The following EXOC4 variants were observed in gnomAD, a reference collection of about 807,000 sequenced individuals.
EXOC4 encodes exocyst complex component 4.
A neutral mutation model predicts 107.2 loss-of-function variants in EXOC4; 71 were observed. The ratio of observed to expected loss-of-function variants is 0.66; its 90% CI spans 0.55 to 0.81. The LOEUF is 0.81. EXOC4 is among the 30% of genes least tolerant of loss of function. The pLI is 0.00. For synonymous variants in EXOC4, 456 were observed against 441.2 expected, an observed-to-expected ratio of 1.03 and a Z score of -0.42; for missense variants, 1,108 against 1,189.6, an observed-to-expected ratio of 0.93 and a Z score of 1.01.
intron 7 of EXOC4, among the ~76,000 whole-genome samples, chr7:133,387,324 T>C (rs2150710319): frequency 6.6e-6 from 1 of 152,316 alleles, no homozygotes; most frequent in Non-Finnish European, 1.5e-5. Flanking sequence ...GAAGATAGAA[T>C]TATGAAACTT....
At chr7:133,364,215 A>AC (rs879833501) in intron 6 of EXOC4, among the ~76,000 whole-genome samples, 9 of 148,256 alleles carry the variant, frequency 6.1e-5, no homozygotes, top group East Asian at 2.0e-4. Flanking sequence ...TGTAGCCTTG[A>AC]CCCCCCCTGG....
intron 9 of EXOC4, among the ~76,000 whole-genome samples, chr7:133,588,890 GTGTGTGTATATATGTA>G (rs1486578848): frequency 6.6e-6 from 1 of 151,776 alleles, no homozygotes; most frequent in Non-Finnish European, 1.5e-5. Flanking sequence ...AAAAGTGTGT[GTGTGTGTATATATGTA>G]TGTGTATATA....
chr7:133,335,816 T>C (rs1388435204), intron 5 of EXOC4, among the ~76,000 whole-genome samples: 2 of 152,232 alleles, frequency 1.3e-5, no homozygotes, highest in African/African-American at 4.8e-5. Context: ...GTAAGGGTTC[T>C]ACTTCTCTCT....
intron 9 of EXOC4, among the ~76,000 whole-genome samples, chr7:133,512,880 C>T (rs1344749810): frequency 1.3e-5 from 2 of 152,036 alleles, no homozygotes; most frequent in East Asian, 1.9e-4. Flanking sequence ...CGCCTGCGGG[C>T]GGATCAGTTG....
chr7:133,966,153 G>T (rs1801060439), intron 14 of EXOC4, among the ~76,000 whole-genome samples: 1 of 152,178 alleles, frequency 6.6e-6, no homozygotes. Flanking sequence ...AGGAATGCTT[G>T]TGATTTTTGC....
chr7:134,084,328 C>T, the EXOC4 span, among the ~76,000 whole-genome samples: 1 of 152,138 alleles, frequency 6.6e-6, no homozygotes, highest in African/African-American at 2.4e-5. Context: ...TAGCTCTTGC[C>T]AGTGTTACAG....
At chr7:133,718,543 T>A (rs958704090) in intron 10 of EXOC4, among the ~76,000 whole-genome samples, 3 of 152,300 alleles carry the variant, frequency 2.0e-5, no homozygotes, top group Non-Finnish European at 4.4e-5. Flanking sequence ...CACTATCAGA[T>A]AATCCTGCTT....
chr7:133,751,932 G>A (rs1253699259), intron 10 of EXOC4, among the ~76,000 whole-genome samples: 1 of 151,580 alleles, frequency 6.6e-6, no homozygotes, highest in Non-Finnish European at 1.5e-5. Flanking sequence ...ATCGCTAGAG[G>A]CCAGGAGTTT....
intron 9 of EXOC4, among the ~76,000 whole-genome samples, chr7:133,565,015 T>A (rs1180865614): frequency 1.3e-5 from 2 of 152,056 alleles, no homozygotes; most frequent in African/African-American, 4.8e-5. Context: ...GAAATCGAAT[T>A]TGGTGAATAG....
intron 4 of EXOC4, among the ~76,000 whole-genome samples, chr7:133,316,444 A>G (rs1178099993): frequency 3.9e-5 from 6 of 152,132 alleles, no homozygotes; most frequent in Non-Finnish European, 8.8e-5. Flanking sequence ...CTTCTGTTGT[A>G]GATAGTGTGC....
At chr7:133,616,459 A>G (rs368230858) in intron 9 of EXOC4, among the ~76,000 whole-genome samples, 2 of 152,138 alleles carry the variant, frequency 1.3e-5, no homozygotes, top group South Asian at 2.1e-4. Context: ...TCTGAAGGAA[A>G]TATATTTTTG....
rs1563007790 is a variant in EXOC4 at position 133,810,596 on chromosome 7, C to CATTTTATTTTATTTTATTTTAT, written c.1515-6729_1515-6728insATTTTATTTTATTTTATTTTAT. Among the ~76,000 whole-genome samples, 113 of 103,868 alleles carry CATTTTATTTTATTTTATTTTAT rather than the reference C, an allele frequency of 1.1e-3. 2 individuals carry two copies. The highest frequency in any genetic ancestry group is 2.3e-3 in the African/African-American group (68 of 29,474). 68.1% of individuals were successfully genotyped at this position (103,868 alleles called of 152,430 possible). A position where few individuals can be genotyped will look rare whatever the true frequency, so the allele number is the denominator to read the frequency against. On this transcript the variant is annotated intron_variant, in intron 10 of 17. Transcript: ENST00000253861. ...TTTAGACGATAAGATCCATGCTTTG[C>CATTTTATTTTATTTTATTTTAT]TTTATTTTATTTTATTTTATTTTAT...
chr7:133,888,777 G>T (rs1482823428), intron 11 of EXOC4, among the ~76,000 whole-genome samples: 2 of 152,182 alleles, frequency 1.3e-5, no homozygotes, highest in Non-Finnish European at 2.9e-5. Flanking sequence ...CTCTGAGGCA[G>T]AATGGTATAC....
chr7:133,434,296 G>A (rs1023555448), intron 7 of EXOC4, among the ~76,000 whole-genome samples: 3 of 151,996 alleles, frequency 2.0e-5, no homozygotes, highest in African/African-American at 7.2e-5. Flanking sequence ...ACATGGGGGG[G>A]AAAAAGAAGG....
At chr7:134,022,802 C>CAAG (rs1358223559) in intron 17 of EXOC4, among the ~76,000 whole-genome samples, 2 of 152,210 alleles carry the variant, frequency 1.3e-5, no homozygotes, top group Non-Finnish European at 2.9e-5. Flanking sequence ...TTCCTTCTGT[C>CAAG]TGCACTAAGG....
rs1307549899 is a variant in EXOC4 at position 134,064,669 on chromosome 7, T to C, written c.*141T>C. 3.5e-6 allele frequency: 2 copies of C among 564,210 alleles called. No individual in the cohort carries two copies. The highest frequency in any genetic ancestry group is 3.8e-5 in the African/African-American group (2 of 52,388). 35.0% of individuals were successfully genotyped at this position (564,210 alleles called of 1,614,324 possible). A position where few individuals can be genotyped will look rare whatever the true frequency, so the allele number is the denominator to read the frequency against. ...AGGAGGTGTAAGGATTCTTTCTCTC[T>C]GGTTTTGGCTTTTCATATAAATGCT... On this transcript the variant is annotated 3_prime_UTR_variant, in exon 18 of 18. Transcript: ENST00000253861.
At chr7:134,080,941 A>G in the EXOC4 span, among the ~76,000 whole-genome samples, 38 of 152,190 alleles carry the variant, frequency 2.5e-4, no homozygotes, top group East Asian at 6.0e-3. Flanking sequence ...CCCTGTCTCT[A>G]AAAAAATTGT....
At chr7:133,868,589 A>G (rs1798689717) in intron 11 of EXOC4, among the ~76,000 whole-genome samples, 1 of 152,016 alleles carries the variant, frequency 6.6e-6, no homozygotes, top group Admixed American at 6.6e-5. Flanking sequence ...TCTTTTATGA[A>G]CCACTCCCTC....
intron 9 of EXOC4, chr7:133,576,860 A>G (rs1801142362): frequency 7.8e-7 from 1 of 1,289,614 alleles, no homozygotes; most frequent in Non-Finnish European, 1.0e-6. Context: ...CTGTTTTAAG[A>G]TGAATTCATC....
Sources: gnomAD v4.1 joint callset for allele counts (sites outside exome capture counted in the v4.1 genomes callset) on GRCh38, gnomAD v4.1.1 for gene constraint, MANE v1.5 for transcripts, NCBI Gene and HGNC (gene_info 2026-07-23, HGNC 2026-07-21) for gene names.